The following PEMT variants were observed in gnomAD, a reference collection of about 807,000 sequenced individuals.
The protein encoded by PEMT is phosphatidylethanolamine N-methyltransferase.
Under a neutral mutation model 27.4 loss-of-function variants are expected in PEMT, and 23 were observed. The observed-to-expected ratio is 0.84, with a 90% CI of 0.60 to 1.19. The LOEUF is 1.19. Among genes scored for constraint, PEMT ranks in the 50% most tolerant of loss-of-function variants. PEMT has a pLI of 0.00. For synonymous variants in PEMT, 137 were observed against 139.1 expected, an observed-to-expected ratio of 0.98 and a Z score of 0.11; for missense variants, 307 against 310.1, an observed-to-expected ratio of 0.99 and a Z score of 0.07.
At chr17:17,575,502 G>A (rs555539065) in intron 2 of PEMT, among the ~76,000 whole-genome samples, 1 of 152,372 alleles carries the variant, frequency 6.6e-6, no homozygotes, top group South Asian at 2.1e-4. Context: ...GTGCAAAGGT[G>A]AAAGGAGAGA....
At chr17:17,586,278 A>AAGAG (rs1223717884) in intron 1 of PEMT, among the ~76,000 whole-genome samples, 3 of 109,394 alleles carry the variant, frequency 2.7e-5, no homozygotes, top group African/African-American at 1.4e-4. Context: ...GAAAGAAAGA[A>AAGAG]AGAAAGAAAG....
intron 2 of PEMT, among the ~76,000 whole-genome samples, chr17:17,548,483 G>C (rs1020011133): frequency 6.6e-6 from 1 of 152,228 alleles, no homozygotes; most frequent in Non-Finnish European, 1.5e-5. Flanking sequence ...GAAGCTCCTC[G>C]AGGCATCAGA....
chr17:17,540,653 C>T (rs1908814809), intron 2 of PEMT, among the ~76,000 whole-genome samples: 1 of 152,204 alleles, frequency 6.6e-6, no homozygotes, highest in Non-Finnish European at 1.5e-5. Context: ...TCCGCCCCTC[C>T]CCATGCTGCC....
Position 17,512,340 on chromosome 17 carries a change from G to A in PEMT, c.466+169C>T, listed in dbSNP as rs542160614. Among the ~76,000 whole-genome samples the A allele has an allele frequency of 8.5e-5, 13 of 152,320 alleles. No individual in the cohort carries two copies. In the South Asian group the frequency reaches 1.9e-3, roughly 22 times the overall value. ...AGGAGCTGTTGGAGCCCAGCCTCCT[G>A]TTCTAACCACAGACAAGCCAGGCCT... On this transcript the variant is annotated intron_variant, in intron 4 of 6. Coordinates refer to ENST00000255389, the MANE Select transcript of PEMT (RefSeq NM_148172.3). The surrounding 1 kb of genome is among the most constrained non-coding windows in gnomAD (Gnocchi z 6.3).
At chr17:17,528,819 C>T (rs754363637) in intron 2 of PEMT, among the ~76,000 whole-genome samples, 1 of 152,246 alleles carries the variant, frequency 6.6e-6, no homozygotes, top group Non-Finnish European at 1.5e-5. Flanking sequence ...CTGGAGTTGA[C>T]AAGGATGGCT....
chr17:17,509,188 C>T (rs1327518236), intron 5 of PEMT, among the ~76,000 whole-genome samples: 1 of 152,270 alleles, frequency 6.6e-6, no homozygotes, highest in Non-Finnish European at 1.5e-5. Flanking sequence ...GACCTGCCTG[C>T]AGCCTTTGAG....
chr17:17,519,253 G>C lies in PEMT; in HGVS notation c.320+3027C>G, dbSNP rs149977142. Among the ~76,000 whole-genome samples the C allele has an allele frequency of 5.9e-5, 9 of 151,992 alleles. No homozygotes were observed. The East Asian group carries it at 1.2e-3, about 20-fold the overall frequency. On this transcript the variant is annotated intron_variant, in intron 3 of 6. Transcript: ENST00000255389. The stretch of plus-strand genomic sequence containing the variant: ...AGGGGCCTGGAGGGGAAGAACAGTG[G>C]GGGAGAGAGTGAGGACCAGGGCACA...
At chr17:17,575,755 C>T (rs1911542661) in intron 2 of PEMT, among the ~76,000 whole-genome samples, 1 of 152,228 alleles carries the variant, frequency 6.6e-6, no homozygotes, top group Admixed American at 6.5e-5. Flanking sequence ...CTCGAAGCCC[C>T]TCCCTTGTGG....
chr17:17,592,016 C>G, upstream of PEMT: 1 of 985,470 alleles, frequency 1.0e-6, no homozygotes, highest in Non-Finnish European at 1.2e-6. Context: ...GGCCGGGGGC[C>G]GCGGGTCGTA....
At chr17:17,590,285 C>T (rs986790582) in intron 1 of PEMT, among the ~76,000 whole-genome samples, 51 of 152,212 alleles carry the variant, frequency 3.4e-4, no homozygotes, top group African/African-American at 1.2e-3. Flanking sequence ...ATCTGGCCAA[C>T]GGTCCTGCGC....
chr17:17,572,380 G>A (rs745844957), intron 2 of PEMT, among the ~76,000 whole-genome samples: 17 of 152,132 alleles, frequency 1.1e-4, no homozygotes, highest in Non-Finnish European at 2.1e-4. Context: ...CTGCACCACC[G>A]TCCCCAGCCA....
intron 3 of PEMT, among the ~76,000 whole-genome samples, chr17:17,515,614 C>T (rs1906767979): frequency 6.6e-6 from 1 of 152,148 alleles, no homozygotes; most frequent in Non-Finnish European, 1.5e-5. Flanking sequence ...CACTCTGATT[C>T]TAGATTCCAG....
chr17:17,509,621 G>T, intron 4 of PEMT, 76 bp from the exon 5 acceptor site: 1 of 1,010,098 alleles, frequency 9.9e-7, no homozygotes, highest in Non-Finnish European at 1.6e-6. Flanking sequence ...AGGCCCCAGA[G>T]CGGGCTGTGG....
chr17:17,568,151 C>G (rs1480064507), intron 2 of PEMT, among the ~76,000 whole-genome samples: 1 of 152,156 alleles, frequency 6.6e-6, no homozygotes, highest in Non-Finnish European at 1.5e-5. Context: ...CCAGGCCCAC[C>G]TGTAGTCCAC....
intron 1 of PEMT, among the ~76,000 whole-genome samples, chr17:17,579,542 G>T (rs895248718): frequency 6.6e-6 from 1 of 152,344 alleles, no homozygotes; most frequent in South Asian, 2.1e-4. Context: ...GCTGGGCGTG[G>T]TGGTGCATGC....
chr17:17,567,138 G>C (rs1910879277), intron 2 of PEMT, among the ~76,000 whole-genome samples: 1 of 152,254 alleles, frequency 6.6e-6, no homozygotes, highest in African/African-American at 2.4e-5. Context: ...GGAACCTACA[G>C]GGAGGGATGG....
At chr17:17,519,940 G>A (rs138076718) in intron 3 of PEMT, among the ~76,000 whole-genome samples, 83 of 152,342 alleles carry the variant, frequency 5.4e-4, no homozygotes, top group Middle Eastern at 3.4e-3. Flanking sequence ...ATCTGTGTGC[G>A]CTGTGGGCTG....
chr17:17,591,329 T>G, intron 1 of PEMT: 1 of 558,932 alleles, frequency 1.8e-6, no homozygotes, highest in Non-Finnish European at 3.2e-6. Flanking sequence ...AATCTGAGGT[T>G]TACACGCGCG....
intron 5 of PEMT, chr17:17,508,894 G>A (rs920803006): frequency 3.4e-5 from 12 of 357,712 alleles, no homozygotes; most frequent in Middle Eastern, 4.2e-4. Context: ...GGGCCCTGGC[G>A]GCTCTGGCCA....
Sources: gnomAD v4.1 joint callset for allele counts (sites outside exome capture counted in the v4.1 genomes callset) on GRCh38, gnomAD v4.1.1 for gene constraint, Gnocchi (gnomAD v3.1) non-coding constraint, MANE v1.5 for transcripts, NCBI Gene and HGNC (gene_info 2026-07-23, HGNC 2026-07-21) for gene names.